The following PASD1 variants were observed in gnomAD, a reference collection of about 807,000 sequenced individuals.
PASD1 encodes PAS domain containing repressor 1, also known as circadian clock protein PASD1.
A neutral mutation model predicts 58.8 loss-of-function variants in PASD1; 13 were observed. The observed-to-expected ratio is 0.22, with a 90% CI of 0.14 to 0.35. The LOEUF is 0.35. Ranked by LOEUF, PASD1 falls within the 10% of genes least tolerant of loss-of-function variation. The pLI is 1.00. For synonymous variants in PASD1, 236 were observed against 216.7 expected (o/e 1.09, Z -0.78); for missense variants, 734 against 568.3 (o/e 1.29, Z -2.96).
Position 151,612,480 on chromosome X carries a change from C to T in PASD1, c.207+727C>T, listed in dbSNP as rs370441005. Among the ~76,000 whole-genome samples the T allele has an allele frequency of 1.8e-3, 198 of 109,520 alleles. 1 individual carries two copies. The highest frequency in any genetic ancestry group is 2.8e-3 in the Non-Finnish European group (147 of 52,389). On this transcript the variant is annotated intron_variant, in intron 4 of 15. Coordinates refer to ENST00000370357, the MANE Select transcript of PASD1 (RefSeq NM_173493.3). Reference sequence around the variant, plus strand: ...TCTCCACATCCTCTCCAGCACCTGTCGTTTCCTGACTTTTTAATGATCGCC... The same window carrying T: ...TCTCCACATCCTCTCCAGCACCTGTTGTTTCCTGACTTTTTAATGATCGCC...
intron 8 of PASD1, among the ~76,000 whole-genome samples, chrX:151,632,169 A>G (rs761275726): frequency 9.0e-6 from 1 of 110,796 alleles, no homozygotes; most frequent in South Asian, 3.9e-4. Context: ...ATTGGGGGGA[A>G]GTTAAATACT....
chrX:151,624,224 G>C (rs1253267691), intron 7 of PASD1, among the ~76,000 whole-genome samples: 3 of 111,370 alleles, frequency 2.7e-5, no homozygotes, highest in African/African-American at 9.8e-5. Context: ...AGTTAGAAGT[G>C]TCTAGGAGAA....
chrX:151,621,706 CCA>C (rs1355242590), intron 6 of PASD1, 114 bp downstream of exon 6: 8 of 414,093 alleles, frequency 1.9e-5, no homozygotes, highest in Admixed American at 1.1e-4. Flanking sequence ...ATCCCTATGG[CCA>C]CAGTTTCTGA....
rs748531219 is a variant in PASD1 at position 151,623,064 on chromosome X, G to T, written c.546G>T (p.Gln182His). Reference sequence around the variant, plus strand: ...GCATTCTCAGGACTCAGCTCCTGCAGGTGGGTATACTGTGTTTGTGCTTCC... The same window carrying T: ...GCATTCTCAGGACTCAGCTCCTGCATGTGGGTATACTGTGTTTGTGCTTCC... ...NVCILRTQLL[Q>H]QLYTSKAVSD... is the part of the protein sequence containing the mutation. Residue 182 changes from glutamine (Q) to histidine (H), a missense_variant and splice_region_variant, in exon 7 of 16, where the codon CAG (glutamine) becomes CAT (histidine). By Grantham distance (24) the Gln-to-His change is conservative (BLOSUM62 0). Transcript: ENST00000370357. 2 of 1,209,832 alleles carry T rather than the reference G, an allele frequency of 1.7e-6. No individual in the cohort carries two copies. Among genetic ancestry groups the T allele is most frequent in the Admixed American group, 4.4e-5 (2 of 45,852 alleles).
intron 1 of PASD1, among the ~76,000 whole-genome samples, chrX:151,571,679 A>T (rs768039677): frequency 5.4e-5 from 6 of 112,128 alleles, no homozygotes; most frequent in African/African-American, 9.7e-5. Context: ...TTGATGCCTA[A>T]GCATGCAAGA....
rs1270787512 is a variant in PASD1, at chrX:151,676,121, G to A, written c.2300G>A (p.Arg767His). The part of the protein sequence containing the change: ...EQTRLMPAEQ[R>H]DSNKPC Reference sequence around the variant, plus strand: ...ACCAGATTGATGCCTGCAGAGCAACGTGACTCAAATAAGCCGTGCTAACAG... The same window carrying A: ...ACCAGATTGATGCCTGCAGAGCAACATGACTCAAATAAGCCGTGCTAACAG... The change falls in exon 16 of 16, where the codon CGT becomes CAT. Residue 767 changes from arginine (R) to histidine (H), a missense_variant. Physicochemically the swap from Arg to His is conservative, Grantham distance 29 (BLOSUM62 0). Transcript: ENST00000370357. The A allele has an allele frequency of 9.9e-6, 12 of 1,207,163 alleles. No individual in the cohort carries two copies. The highest frequency in any genetic ancestry group is 5.9e-5 in the East Asian group (2 of 33,633).
In PASD1 at chrX:151,664,130, C is replaced by A. The variant is rs752288898; in HGVS notation, c.853C>A (p.Gln285Lys). 3 of 1,211,265 alleles carry A rather than the reference C, an allele frequency of 2.5e-6. No individual in the cohort carries two copies. The highest frequency in any genetic ancestry group is 3.4e-6 in the Non-Finnish European group (3 of 895,494). The part of the protein sequence containing the change: ...TMPESPALSL[Q>K]DFRGEPEVNP... ...GCTTTCTTCCTCAGCCTTATCCTTGCAAGACTTTCGAGGTGAGCCTGAGGT... is the reference window on the plus strand; with the variant it reads ...GCTTTCTTCCTCAGCCTTATCCTTGAAAGACTTTCGAGGTGAGCCTGAGGT... Residue 285 changes from glutamine (Q) to lysine (K), a missense_variant, in exon 11 of 16, where the codon CAA (glutamine) becomes AAA (lysine). Coordinates refer to ENST00000370357, the MANE Select transcript of PASD1 (RefSeq NM_173493.3).
chrX:151,642,265 G>C (rs143997599), intron 8 of PASD1, among the ~76,000 whole-genome samples: 96 of 111,567 alleles, frequency 8.6e-4, no homozygotes, highest in African/African-American at 3.1e-3. Context: ...TCACCTGCTC[G>C]TGTTTTTTCA....
intron 1 of PASD1, among the ~76,000 whole-genome samples, chrX:151,594,352 G>A (rs1426503896): frequency 8.9e-6 from 1 of 111,875 alleles, no homozygotes; most frequent in Non-Finnish European, 1.9e-5. Flanking sequence ...CTATTTGATT[G>A]ATGTTTCCAT....
rs886158435 is a variant in PASD1, at chrX:151,574,241, C to T, written c.-28+10402C>T. On this transcript the variant is annotated intron_variant, in intron 1 of 15. Transcript: ENST00000370357. ...CCTAGCCAGGTTCTTGCCAGATGCTCCTTGGCTGATGTGAATGAAAGTCAT... is the reference window on the plus strand; with the variant it reads ...CCTAGCCAGGTTCTTGCCAGATGCTTCTTGGCTGATGTGAATGAAAGTCAT... Among the ~76,000 whole-genome samples the T allele has an allele frequency of 3.6e-5, 4 of 112,346 alleles. No homozygotes were observed. The Admixed American group carries it at 3.8e-4, about 11-fold the overall frequency.
intron 7 of PASD1, among the ~76,000 whole-genome samples, chrX:151,624,423 T>C (rs1283225345): frequency 9.0e-6 from 1 of 111,521 alleles, no homozygotes; most frequent in Non-Finnish European, 1.9e-5. Flanking sequence ...CATCTCCAAC[T>C]CATTACCTTA....
intron 1 of PASD1, among the ~76,000 whole-genome samples, chrX:151,575,130 T>TG (rs1408972154): frequency 9.2e-6 from 1 of 108,178 alleles, no homozygotes; most frequent in Non-Finnish European, 1.9e-5. Context: ...TAAACCATCA[T>TG]GGTGATTGCA....
intron 8 of PASD1, among the ~76,000 whole-genome samples, chrX:151,643,144 C>A (rs1377586179): frequency 8.9e-6 from 1 of 112,201 alleles, no homozygotes; most frequent in Non-Finnish European, 1.9e-5. Context: ...GATAATTTGA[C>A]AGATTGTTAC....
intron 1 of PASD1, among the ~76,000 whole-genome samples, chrX:151,600,028 C>G (rs994205388): frequency 8.9e-6 from 1 of 112,178 alleles, no homozygotes; most frequent in Non-Finnish European, 1.9e-5. Context: ...CTCGGGACGC[C>G]GAGGCTGGCA....
intron 9 of PASD1, among the ~76,000 whole-genome samples, chrX:151,658,055 T>G (rs1418621148): frequency 1.8e-5 from 2 of 111,208 alleles, no homozygotes; most frequent in African/African-American, 6.5e-5. Flanking sequence ...CTCTTCCCCC[T>G]CTCCCCCTAC....
At chrX:151,652,860 T>C (rs1328705929) in intron 9 of PASD1, among the ~76,000 whole-genome samples, 1 of 108,073 alleles carries the variant, frequency 9.3e-6, no homozygotes, top group East Asian at 2.8e-4. Context: ...GAGTAGGTAT[T>C]GATGAAGTCA....
intron 1 of PASD1, among the ~76,000 whole-genome samples, chrX:151,571,281 A>G (rs147132309): frequency 3.9e-4 from 44 of 111,890 alleles, no homozygotes; most frequent in Non-Finnish European, 7.0e-4. Context: ...GCAAAACAAC[A>G]TTATGTCTTT....
intron 1 of PASD1, among the ~76,000 whole-genome samples, chrX:151,590,975 C>T (rs2013238815): frequency 8.9e-6 from 1 of 111,955 alleles, no homozygotes; most frequent in Non-Finnish European, 1.9e-5. Context: ...ACATAGGTCC[C>T]AGATAGAACT....
In PASD1 at chrX:151,671,166, T is replaced by C; in HGVS notation, c.1200T>C (p.Asn400=). The C allele has an allele frequency of 1.7e-6, 2 of 1,211,504 alleles. No homozygotes were observed. Among genetic ancestry groups the C allele is most frequent in the Non-Finnish European group, 2.2e-6 (2 of 895,432 alleles). ...LLHDAIQNQQ[N]ALELMMDHLQ... ...ATGATGCCATCCAAAACCAGCAGAA[T>C]GCATTGGAATTGATGATGGATCACC... The change falls in exon 12 of 16, where the codon AAT becomes AAC. Residue 400 remains asparagine (N), a synonymous_variant. Coordinates refer to ENST00000370357, the MANE Select transcript of PASD1 (RefSeq NM_173493.3).
Sources: gnomAD v4.1 joint callset for allele counts (sites outside exome capture counted in the v4.1 genomes callset) on GRCh38, gnomAD v4.1.1 for gene constraint, MANE v1.5 for transcripts, NCBI Gene and HGNC (gene_info 2026-07-23, HGNC 2026-07-21) for gene names.